Variants in PDHA1 observed in about 807,000 individuals in gnomAD.
PDHA1 encodes pyruvate dehydrogenase E1 subunit alpha 1, also known as pyruvate dehydrogenase E1 component subunit alpha, somatic form, mitochondrial.
A neutral mutation model predicts 33.0 loss-of-function variants in PDHA1; 1 was observed. That is an observed-to-expected ratio of 0.03 (90% CI 0.01 to 0.14). The LOEUF (loss-of-function observed/expected upper bound fraction) is 0.14, where lower values mean the gene tolerates loss of function less well. Ranked by LOEUF, PDHA1 falls within the 10% of genes least tolerant of loss-of-function variation. The probability of loss-of-function intolerance (pLI) is 1.00; values close to 1 mark genes in which losing one functional copy is unlikely to be tolerated. For missense variants in PDHA1, 168 were observed against 325.1 expected (o/e 0.52, Z 3.72); for synonymous variants, 123 against 119.2 (o/e 1.03, Z -0.21).
intron 4 of PDHA1, 97 bp from the exon 5 acceptor site, chrX:19,352,985 C>A: frequency 1.5e-6 from 1 of 685,040 alleles, no homozygotes; most frequent in South Asian, 2.1e-5. Context: ...CCTCTGTGTT[C>A]TAATGGTTGA....
At chrX:19,345,482 A>G (rs1182561002) in intron 1 of PDHA1, among the ~76,000 whole-genome samples, 1 of 106,285 alleles carries the variant, frequency 9.4e-6, no homozygotes, top group Non-Finnish European at 1.9e-5. Flanking sequence ...AGGCGGGAGA[A>G]TAGCCTGAAC....
intron 3 of PDHA1, among the ~76,000 whole-genome samples, chrX:19,350,825 TGAA>T (rs1397892151): frequency 1.8e-5 from 2 of 111,533 alleles, no homozygotes; most frequent in Non-Finnish European, 3.8e-5. Flanking sequence ...AATAAATGAG[TGAA>T]GAAGGCTAGG....
At position 19,357,760 on chromosome X, in the gene PDHA1, T is replaced by C. The variant is rs1289759677; in HGVS notation, c.899+41T>C. The stretch of plus-strand genomic sequence containing the variant: ...GTGTGGTTTCCATAGGGGTGGGCTT[T>C]GAATGGTGTTACATGGCAAAAGCAA... On this transcript the variant is annotated intron_variant, in intron 9 of 10. Coordinates refer to ENST00000422285, the MANE Select transcript of PDHA1 (RefSeq NM_000284.4). The C allele has an allele frequency of 1.6e-5, 16 of 1,030,720 alleles. No homozygotes were observed. The Admixed American group carries it at 3.5e-4, about 23-fold the overall frequency. 84.9% of individuals were successfully genotyped at this position (1,030,720 alleles called of 1,213,427 possible). A position where few individuals can be genotyped will look rare whatever the true frequency, so the allele number is the denominator to read the frequency against.
Position 19,355,405 on chromosome X carries a change from C to T in PDHA1, c.660C>T (p.Phe220=), listed in dbSNP as rs745607005. The T allele has an allele frequency of 4.8e-5, 58 of 1,209,707 alleles. No homozygotes were observed. The highest frequency in any genetic ancestry group is 5.4e-5 in the Non-Finnish European group (48 of 894,376). ...MAALWKLPCI[F]ICENNRYGMG... ...CTTTGTGGAAATTACCTTGTATTTT[C>T]ATCTGTGAGAATAATCGCTATGGAA... Residue 220 remains phenylalanine (F), a synonymous_variant, in exon 7 of 11, where the codon TTC becomes TTT. Transcript: ENST00000422285.
In PDHA1 at chrX:19,359,863, C is replaced by CTT. The variant is rs2063256414; in HGVS notation, c.*211_*212dup. On this transcript the variant is annotated 3_prime_UTR_variant, in exon 11 of 11. Coordinates refer to ENST00000422285, the MANE Select transcript of PDHA1 (RefSeq NM_000284.4). ...TTGAGTGCTTAAAGATTATTTTTGA[C>CTT]TTAAAATAGTATACTTTGAACAAAT... 2 of 454,274 alleles carry CTT rather than the reference C, an allele frequency of 4.4e-6. No individual in the cohort carries two copies. The highest frequency in any genetic ancestry group is 3.1e-5 in the South Asian group (1 of 32,081). The allele number at this position is 454,274 out of a possible 1,213,427, so 37.4% of individuals were successfully genotyped here. A position where few individuals can be genotyped will look rare whatever the true frequency, so the allele number is the denominator to read the frequency against.
intron 3 of PDHA1, among the ~76,000 whole-genome samples, chrX:19,350,731 G>A (rs1803633233): frequency 8.9e-6 from 1 of 112,336 alleles, no homozygotes; most frequent in Non-Finnish European, 1.9e-5. Context: ...TATATAATTT[G>A]GAGAGAAAGG....
intron 10 of PDHA1, 25 bp downstream of exon 10, chrX:19,359,049 T>C (rs1392438373): frequency 9.8e-7 from 1 of 1,021,702 alleles, no homozygotes; most frequent in Non-Finnish European, 1.4e-6. Flanking sequence ...TCATGGTGGT[T>C]TGAAGGTTGG....
At chrX:19,351,442 GGATTAAGTTTTTAAATATCTGTCATTAA>G (rs1395722301) in intron 4 of PDHA1, 35 bp downstream of exon 4, 2 of 1,123,590 alleles carry the variant, frequency 1.8e-6, no homozygotes, top group African/African-American at 3.6e-5. Context: ...GGAAATGAGT[GGATTAAGTTTTTAAATATCTGTCATTAA>G]GATGCTATTA....
intron 8 of PDHA1, 137 bp from the exon 9 acceptor site, chrX:19,357,515 A>G: frequency 1.8e-6 from 1 of 569,178 alleles, no homozygotes; most frequent in Non-Finnish European, 3.2e-6. Flanking sequence ...CCAATAAGAA[A>G]TTCGTGACAA....
At chrX:19,355,542 G>A (rs371673691) in intron 7 of PDHA1, 38 bp downstream of exon 7, 5 of 1,198,093 alleles carry the variant, frequency 4.2e-6, no homozygotes, top group South Asian at 3.5e-5. Flanking sequence ...CCAAGGCCAA[G>A]GCCAAGGGTA....
At position 19,353,360 on chromosome X, in the gene PDHA1, C is replaced by T. The variant is rs139638187; in HGVS notation, c.510+187C>T. 6,271 of 477,148 alleles carry T rather than the reference C, an allele frequency of 0.013. 40 individuals carry two copies. Among genetic ancestry groups the T allele is most frequent in the Non-Finnish European group, 0.018 (4,816 of 264,842 alleles). 39.3% of individuals were successfully genotyped at this position (477,148 alleles called of 1,213,427 possible). A position where few individuals can be genotyped will look rare whatever the true frequency, so the allele number is the denominator to read the frequency against. ...TATAATGGAGCTGAAAAATTCCTGT[C>T]GCCTAGTGATGTTGTAGTGGCACAA... On this transcript the variant is annotated intron_variant, in intron 5 of 10. Coordinates refer to ENST00000422285, the MANE Select transcript of PDHA1 (RefSeq NM_000284.4).
In PDHA1 at chrX:19,360,807, C is replaced by T. The variant is rs759041463; in HGVS notation, c.*1154C>T. The stretch of plus-strand genomic sequence containing the variant: ...AGCCCTTCTGTACTGGGAGACCGCA[C>T]TCCAGAGTCTGCAGAGGAGACCACC... On this transcript the variant is annotated 3_prime_UTR_variant, in exon 11 of 11. Transcript: ENST00000422285. The T allele has an allele frequency of 1.7e-6, 2 of 1,207,287 alleles. No homozygotes were observed. Among genetic ancestry groups the T allele is most frequent in the African/African-American group, 1.8e-5 (1 of 57,110 alleles).
Position 19,361,526 on chromosome X carries a change from C to T in PDHA1, c.*1873C>T, listed in dbSNP as rs1194257410. The T allele has an allele frequency of 8.3e-7, 1 of 1,211,409 alleles. No individual in the cohort carries two copies. The highest frequency in any genetic ancestry group is 2.2e-5 in the Admixed American group (1 of 46,079). On this transcript the variant is annotated 3_prime_UTR_variant, in exon 11 of 11. Coordinates refer to ENST00000422285, the MANE Select transcript of PDHA1 (RefSeq NM_000284.4). ...TTGTCTTTGCATCAGCTCCTTGCAGCCGCAACCAGTCTATAAGCTCTTTAT... is the reference window on the plus strand; with the variant it reads ...TTGTCTTTGCATCAGCTCCTTGCAGTCGCAACCAGTCTATAAGCTCTTTAT...
intron 9 of PDHA1, among the ~76,000 whole-genome samples, chrX:19,358,681 AAGACAGAAGCAGTTATTAC>A (rs1159815461): frequency 3.6e-5 from 4 of 112,056 alleles, no homozygotes; most frequent in Non-Finnish European, 7.5e-5. Flanking sequence ...TTTTCTAGAA[AAGACAGAAGCAGTTATTAC>A]AGAATGTTAG....
In PDHA1 at chrX:19,361,035, C is replaced by G. The variant is rs2063279016; in HGVS notation, c.*1382C>G. 3 of 420,696 alleles carry G rather than the reference C, an allele frequency of 7.1e-6. No individual in the cohort carries two copies. In the African/African-American group the frequency reaches 7.3e-5, roughly 10 times the overall value. 34.7% of individuals were successfully genotyped at this position (420,696 alleles called of 1,213,427 possible). On this transcript the variant is annotated 3_prime_UTR_variant, in exon 11 of 11. Transcript: ENST00000422285. Reference sequence around the variant, plus strand: ...CTGGCTATTTCAAATGACTCGGGAACAAGAAGGCAGGCTGCAGTTTAAAGA... The same window carrying G: ...CTGGCTATTTCAAATGACTCGGGAAGAAGAAGGCAGGCTGCAGTTTAAAGA...
chrX:19,351,200 T>C, intron 3 of PDHA1, 81 bp from the exon 4 acceptor site: 1 of 952,595 alleles, frequency 1.0e-6, no homozygotes, highest in East Asian at 3.1e-5. Flanking sequence ...CTAGCCCACA[T>C]ATTTCACTGT....
At position 19,361,620 on chromosome X, in the gene PDHA1, A is replaced by G; in HGVS notation, c.*1967A>G. 2 of 1,045,828 alleles carry G rather than the reference A, an allele frequency of 1.9e-6. No individual in the cohort carries two copies. The highest frequency in any genetic ancestry group is 3.9e-5 in the South Asian group (2 of 50,792). The allele number at this position is 1,045,828 out of a possible 1,213,427, so 86.2% of individuals were successfully genotyped here. On this transcript the variant is annotated 3_prime_UTR_variant, in exon 11 of 11. Transcript: ENST00000422285. Reference sequence around the variant, plus strand: ...TGTAACGATTGGCAATTTGTTATATATTAGTCTAACCATAAAACTCTTCAA... The same window carrying G: ...TGTAACGATTGGCAATTTGTTATATGTTAGTCTAACCATAAAACTCTTCAA...
chrX:19,346,483 C>A (rs1167708227), intron 1 of PDHA1: 4 of 429,623 alleles, frequency 9.3e-6, no homozygotes, highest in Admixed American at 9.3e-5. Context: ...CACACCCAGC[C>A]AATTAAAAAA....
Position 19,361,521 on chromosome X carries a change from T to G in PDHA1, c.*1868T>G. ...TTCAATTGTCTTTGCATCAGCTCCT[T>G]GCAGCCGCAACCAGTCTATAAGCTC... is the stretch of plus-strand genomic sequence containing the variant. On this transcript the variant is annotated 3_prime_UTR_variant, in exon 11 of 11. Transcript: ENST00000422285. 8.3e-7 allele frequency: 1 copy of G among 1,211,517 alleles called. No homozygotes were observed. The highest frequency in any genetic ancestry group is 1.1e-6 in the Non-Finnish European group (1 of 894,964).
Sources: gnomAD v4.1 joint callset for allele counts (sites outside exome capture counted in the v4.1 genomes callset) on GRCh38, gnomAD v4.1.1 for gene constraint, MANE v1.5 for transcripts, NCBI Gene and HGNC (gene_info 2026-07-23, HGNC 2026-07-21) for gene names.